The following APBA2 variants were observed in gnomAD, a reference collection of about 807,000 sequenced individuals.
APBA2 encodes the protein amyloid-beta A4 precursor protein-binding family A member 2.
APBA2 carries 30 observed loss-of-function variants against 75.0 expected under a neutral mutation model. The observed-to-expected ratio is 0.40, with a 90% confidence interval of 0.30 to 0.54. The LOEUF (loss-of-function observed/expected upper bound fraction) is 0.54. Ranked by LOEUF, APBA2 falls within the 20% of genes least tolerant of loss-of-function variation. The pLI is 0.49. For missense variants in APBA2, 801 were observed against 1,016.1 expected (o/e 0.79, Z 2.88); for synonymous variants, 444 against 409.6 (o/e 1.08, Z -1.01).
rs1274936827 is a variant in APBA2 at position 29,117,444 on chromosome 15, G to GTGTC, written c.*313_*316dup. ...GGTAGCTGTGCGTGGTGTGGAGTGT[G>GTGTC]TGTCTTTCCTCCCTGAAGCTGTGCG... On this transcript the variant is annotated 3_prime_UTR_variant, in exon 15 of 15. Transcript: ENST00000683413. 8 of 453,262 alleles carry GTGTC rather than the reference G, an allele frequency of 1.8e-5. No individual in the cohort carries two copies. The highest frequency in any genetic ancestry group is 1.6e-4 in the African/African-American group (8 of 50,110). The allele number at this position is 453,262 out of a possible 1,614,324, so 28.1% of individuals were successfully genotyped here.
intron 1 of APBA2, among the ~76,000 whole-genome samples, chr15:28,898,683 T>C (rs1190397929): frequency 6.6e-6 from 1 of 152,194 alleles, no homozygotes; most frequent in Non-Finnish European, 1.5e-5. Flanking sequence ...CTTTTCTGTA[T>C]GTATATATTT....
At chr15:29,017,608 T>A (rs541593336) in intron 3 of APBA2, among the ~76,000 whole-genome samples, 11 of 152,200 alleles carry the variant, frequency 7.2e-5, no homozygotes, top group Non-Finnish European at 1.3e-4. Context: ...TGACCTCAAG[T>A]GATCCGTCCA....
chr15:29,070,976 G>T (rs1277171222), intron 4 of APBA2: 1 of 439,098 alleles, frequency 2.3e-6, no homozygotes, highest in African/African-American at 2.0e-5. Context: ...GGCCACTGGG[G>T]ATGGCTGTGG....
intron 3 of APBA2, among the ~76,000 whole-genome samples, chr15:29,003,079 G>T (rs1034890789): frequency 6.6e-6 from 1 of 152,120 alleles, no homozygotes; most frequent in African/African-American, 2.4e-5. Context: ...TAGAAGAGGT[G>T]GCAGAGGCCA....
chr15:29,075,699 G>A (rs569172984), intron 5 of APBA2, among the ~76,000 whole-genome samples: 26 of 152,324 alleles, frequency 1.7e-4, no homozygotes, highest in African/African-American at 4.6e-4. Flanking sequence ...GATGGCCACC[G>A]ATGGAGTGGT....
chr15:28,962,110 G>A (rs986812801), intron 2 of APBA2, among the ~76,000 whole-genome samples: 1 of 152,056 alleles, frequency 6.6e-6, no homozygotes, highest in Non-Finnish European at 1.5e-5. Flanking sequence ...GGGCGTGAAC[G>A]TGTGTCATAG....
rs530527106 is a variant in APBA2, at chr15:29,010,502, C to T, written c.-41+14696C>T. Reference sequence around the variant, plus strand: ...CTCGATCTCCTGACCTCGTGATCCGCCCAACTCGGCCTCCCAAAGTGCTGG... The same window carrying T: ...CTCGATCTCCTGACCTCGTGATCCGTCCAACTCGGCCTCCCAAAGTGCTGG... On this transcript the variant is annotated intron_variant, in intron 3 of 14. Transcript: ENST00000683413. Among the ~76,000 whole-genome samples the T allele has an allele frequency of 5.0e-4, 76 of 152,268 alleles. 1 individual carries two copies. The highest frequency in any genetic ancestry group is 1.8e-3 in the African/African-American group (73 of 41,562).
At chr15:29,009,935 G>C (rs1487616875) in intron 3 of APBA2, among the ~76,000 whole-genome samples, 1 of 152,168 alleles carries the variant, frequency 6.6e-6, no homozygotes, top group African/African-American at 2.4e-5. Context: ...GGAATGGGTA[G>C]GTCACAGGGT....
chr15:29,066,475 A>G (rs995320859), intron 4 of APBA2, among the ~76,000 whole-genome samples: 2 of 152,202 alleles, frequency 1.3e-5, no homozygotes, highest in Non-Finnish European at 2.9e-5. Context: ...GTACTGTGTG[A>G]TTCTACTTCT....
intron 2 of APBA2, among the ~76,000 whole-genome samples, chr15:28,989,808 C>T (rs2152781287): frequency 6.6e-6 from 1 of 152,302 alleles, no homozygotes; most frequent in East Asian, 1.9e-4. Flanking sequence ...GGCTAAGCTG[C>T]CTGCAGACCT....
At chr15:29,048,803 G>T (rs989966172) in intron 3 of APBA2, among the ~76,000 whole-genome samples, 2 of 151,666 alleles carry the variant, frequency 1.3e-5, no homozygotes, top group Admixed American at 1.3e-4. Context: ...GCTGGGCGTG[G>T]TGGTGCGCAC....
chr15:29,109,831 C>A (rs558490985), intron 13 of APBA2, among the ~76,000 whole-genome samples: 1 of 152,240 alleles, frequency 6.6e-6, no homozygotes, highest in African/African-American at 2.4e-5. Context: ...CCATAAAGTA[C>A]CCCAAGCTAT....
intron 3 of APBA2, among the ~76,000 whole-genome samples, chr15:29,038,075 CT>C (rs1566933503): frequency 6.6e-6 from 1 of 152,214 alleles, no homozygotes; most frequent in African/African-American, 2.4e-5. Flanking sequence ...CCAGTCCACT[CT>C]CTGGCTGGCA....
chr15:29,117,035 G>A (rs373084887), intron 14 of APBA2, 27 bp from the exon 15 acceptor site: 21 of 1,611,412 alleles, frequency 1.3e-5, no homozygotes, highest in Middle Eastern at 1.6e-4. Context: ...GGAGGGCAGC[G>A]GCTCAGCCTC....
intron 2 of APBA2, among the ~76,000 whole-genome samples, chr15:28,963,809 A>G (rs532306213): frequency 4.5e-4 from 69 of 152,226 alleles, no homozygotes; most frequent in Non-Finnish European, 8.4e-4. Context: ...ATTATGCATA[A>G]CGATAGTACA....
chr15:28,962,345 G>A (rs2036520489), intron 2 of APBA2, among the ~76,000 whole-genome samples: 1 of 152,040 alleles, frequency 6.6e-6, no homozygotes, highest in Admixed American at 6.5e-5. Flanking sequence ...GCAGAGGTGG[G>A]CAGTTCACGA....
In APBA2 at chr15:29,026,066, T is replaced by G. The variant is rs184528737; in HGVS notation, c.-40-27779T>G. ...AGGAAAGCTGCAACTTCTTGCCAAC[T>G]TTATGCAGTTTATTTAGCATTTCTA... On this transcript the variant is annotated intron_variant, in intron 3 of 14. Transcript: ENST00000683413. 9.9e-4 allele frequency among the ~76,000 whole-genome samples: 151 copies of G among 152,306 alleles called. 1 individual carries two copies. The highest frequency in any genetic ancestry group is 2.5e-3 in the South Asian group (12 of 4,822).
chr15:28,951,204 T>G (rs1362440546), intron 2 of APBA2, among the ~76,000 whole-genome samples: 1 of 152,228 alleles, frequency 6.6e-6, no homozygotes, highest in Non-Finnish European at 1.5e-5. Flanking sequence ...AGAAAGGATT[T>G]AAAATATATT....
intron 3 of APBA2, among the ~76,000 whole-genome samples, chr15:29,014,885 T>G (rs1020128670): frequency 1.4e-4 from 21 of 152,084 alleles, no homozygotes; most frequent in African/African-American, 5.1e-4. Flanking sequence ...ATTTAAGTCT[T>G]TAAGAAACAT....
Sources: allele counts gnomAD v4.1 joint callset (sites outside exome capture counted in the v4.1 genomes callset), GRCh38; gene constraint gnomAD v4.1.1; transcripts MANE v1.5; gene names NCBI Gene and HGNC (gene_info 2026-07-23, HGNC 2026-07-21).